The following VPS53 variants were observed in gnomAD, a reference collection of about 807,000 sequenced individuals.
VPS53 encodes VPS53 subunit of GARP complex.
In VPS53, 70 loss-of-function variants were observed where a neutral mutation model predicts 107.0. That is an observed-to-expected ratio of 0.65 (90% CI 0.54 to 0.80). The LOEUF (loss-of-function observed/expected upper bound fraction) is 0.80. Ranked by LOEUF, VPS53 falls within the 30% of genes least tolerant of loss-of-function variation. VPS53 has a pLI of 0.00. For synonymous variants in VPS53, 409 were observed against 393.3 expected (o/e 1.04, Z -0.47); for missense variants, 917 against 1,049.4 (o/e 0.87, Z 1.74).
intron 11 of VPS53, among the ~76,000 whole-genome samples, chr17:618,363 A>G (rs1455371032): frequency 4.1e-5 from 4 of 98,376 alleles, no homozygotes; most frequent in African/African-American, 1.0e-4. Context: ...ACCACGCCCC[A>G]CTAATATTTC....
chr17:623,473 C>T (rs914255377), intron 11 of VPS53, 60 bp downstream of exon 11: 2 of 1,565,820 alleles, frequency 1.3e-6, no homozygotes, highest in Non-Finnish European at 1.7e-6. Context: ...CAGTGAAACC[C>T]TGAATCCCAA....
At chr17:713,694 A>AT (rs1973727602) in intron 1 of VPS53, among the ~76,000 whole-genome samples, 1 of 151,446 alleles carries the variant, frequency 6.6e-6, no homozygotes, top group African/African-American at 2.4e-5. Context: ...AAAAATCACT[A>AT]TTTCTAATAT....
chr17:581,851 A>G (rs1255025213), intron 13 of VPS53, among the ~76,000 whole-genome samples: 2 of 151,256 alleles, frequency 1.3e-5, no homozygotes, highest in Non-Finnish European at 2.9e-5. Context: ...TTCCCAGAGA[A>G]CCTCCCTCAG....
At chr17:579,575 C>T (rs1396641292) in intron 13 of VPS53, among the ~76,000 whole-genome samples, 1 of 151,732 alleles carries the variant, frequency 6.6e-6, no homozygotes, top group African/African-American at 2.4e-5. Context: ...CAGAGATCCT[C>T]CCTCATGACC....
rs1231857018 is a variant in VPS53, at chr17:515,784, T to A, written c.*3344A>T. 6.6e-6 allele frequency: 1 copy of A among 150,902 alleles called. No individual in the cohort carries two copies. Among genetic ancestry groups the A allele is most frequent in the Non-Finnish European group, 1.5e-5 (1 of 67,766 alleles). 9.3% of individuals were successfully genotyped at this position (150,902 alleles called of 1,614,324 possible). A position where few individuals can be genotyped will look rare whatever the true frequency, so the allele number is the denominator to read the frequency against. ...GGAGAGAGCCCAATCCTGGGCATGG[T>A]CCCCACCACCACCAAAAGTCTTTTT... On this transcript the variant is annotated 3_prime_UTR_variant, in exon 22 of 22. Coordinates refer to ENST00000437048, the MANE Select transcript of VPS53 (RefSeq NM_001128159.3).
At chr17:657,015 T>C in intron 5 of VPS53, 1 of 868,738 alleles carries the variant, frequency 1.2e-6, no homozygotes, top group Non-Finnish European at 2.0e-6. Context: ...ACACCAACTC[T>C]TCCCAGGTGA....
intron 5 of VPS53, among the ~76,000 whole-genome samples, chr17:657,844 T>C (rs891894817): frequency 6.6e-6 from 1 of 151,642 alleles, no homozygotes; most frequent in African/African-American, 2.4e-5. Flanking sequence ...GATAGATATA[T>C]CCTCATTAAA....
chr17:532,579 A>C, intron 19 of VPS53: 2 of 732,768 alleles, frequency 2.7e-6, no homozygotes, highest in Non-Finnish European at 3.8e-6. Context: ...TTCTTATTGG[A>C]GTGTGAGCAC....
At chr17:554,208 G>A (rs1051765893) in intron 15 of VPS53, among the ~76,000 whole-genome samples, 5 of 152,150 alleles carry the variant, frequency 3.3e-5, no homozygotes, top group African/African-American at 9.7e-5. Context: ...TTAAGGCATT[G>A]GGGATACAGT....
chr17:586,198 C>A, intron 13 of VPS53, 72 bp downstream of exon 13: 1 of 1,378,966 alleles, frequency 7.3e-7, no homozygotes, highest in South Asian at 1.2e-5. Context: ...AGGAGCTGTG[C>A]GCTCCTAAGA....
At position 562,818 on chromosome 17, in the gene VPS53, T is replaced by C. The variant is rs899884652; in HGVS notation, c.1314-73A>G. The stretch of plus-strand genomic sequence containing the variant: ...GTAAAGCAAATGTGCTCGTTTGCAA[T>C]GTACATAAACTACTGCCACAAGTAA... On this transcript the variant is annotated intron_variant, in intron 13 of 21. Transcript: ENST00000437048. The C allele has an allele frequency of 1.3e-5, 20 of 1,529,918 alleles. No individual in the cohort carries two copies. In the African/African-American group the frequency reaches 2.1e-4, roughly 16 times the overall value. 94.8% of individuals were successfully genotyped at this position (1,529,918 alleles called of 1,614,324 possible). A position where few individuals can be genotyped will look rare whatever the true frequency, so the allele number is the denominator to read the frequency against.
chr17:613,995 G>C (rs1450972176), intron 11 of VPS53, among the ~76,000 whole-genome samples: 2 of 152,240 alleles, frequency 1.3e-5, no homozygotes, highest in Non-Finnish European at 2.9e-5. Flanking sequence ...CGCAGACACT[G>C]TCCAGAGGGA....
chr17:643,603 G>A (rs1016453769), intron 7 of VPS53, among the ~76,000 whole-genome samples: 1 of 149,360 alleles, frequency 6.7e-6, no homozygotes, highest in Non-Finnish European at 1.5e-5. Flanking sequence ...GGCAACCGAG[G>A]ACAACACTCA....
chr17:563,257 C>A (rs1366699436), intron 13 of VPS53, among the ~76,000 whole-genome samples: 1 of 144,010 alleles, frequency 6.9e-6, no homozygotes, highest in Admixed American at 7.0e-5. Flanking sequence ...TATGTCCATG[C>A]TTTATACCCA....
At chr17:633,273 T>C (rs902863276) in intron 7 of VPS53, among the ~76,000 whole-genome samples, 4 of 152,170 alleles carry the variant, frequency 2.6e-5, no homozygotes, top group African/African-American at 9.7e-5. Flanking sequence ...CTGATGTTGG[T>C]GGCCACCGTG....
At chr17:633,927 C>G (rs539892039) in intron 7 of VPS53, among the ~76,000 whole-genome samples, 3 of 152,348 alleles carry the variant, frequency 2.0e-5, no homozygotes, top group East Asian at 3.9e-4. Context: ...TCAGGCCCCC[C>G]CTGTTCCTAC....
In VPS53 at chr17:662,043, GTAGAGACCTA is replaced by G. The variant is rs1597454575; in HGVS notation, c.286-158_286-149del. The G allele has an allele frequency of 1.6e-5, 11 of 680,372 alleles. No individual in the cohort carries two copies. The East Asian group carries it at 3.0e-4, about 19-fold the overall frequency. 42.1% of individuals were successfully genotyped at this position (680,372 alleles called of 1,614,324 possible). Reference sequence around the variant, plus strand: ...CCAACAATTTTTCTGGACCAAAATAGTAGAGACCTATAGAGTCCAGTGGCTGCGAACAGGT... The same window carrying G: ...CCAACAATTTTTCTGGACCAAAATAGTAGAGTCCAGTGGCTGCGAACAGGT... On this transcript the variant is annotated intron_variant, in intron 4 of 21. Coordinates refer to ENST00000437048, the MANE Select transcript of VPS53 (RefSeq NM_001128159.3).
chr17:584,683 A>G (rs368390604), intron 13 of VPS53, among the ~76,000 whole-genome samples: 1 of 152,088 alleles, frequency 6.6e-6, no homozygotes, highest in East Asian at 1.9e-4. Flanking sequence ...ACCACACCTG[A>G]CTAGTTTTTT....
At chr17:659,241 C>A (rs1189190603) in intron 5 of VPS53, among the ~76,000 whole-genome samples, 2 of 152,076 alleles carry the variant, frequency 1.3e-5, no homozygotes, top group Non-Finnish European at 2.9e-5. Flanking sequence ...TCTCTTCCAG[C>A]GTTTTTAGCT....
Sources: allele counts gnomAD v4.1 joint callset (sites outside exome capture counted in the v4.1 genomes callset), GRCh38; gene constraint gnomAD v4.1.1; transcripts MANE v1.5; gene names NCBI Gene and HGNC (gene_info 2026-07-23, HGNC 2026-07-21).